Variants in FAN1 observed in about 807,000 individuals in gnomAD.
FAN1 encodes FANCD2 and FANCI associated nuclease 1, also known as fanconi-associated nuclease 1.
A neutral mutation model predicts 104.9 loss-of-function variants in FAN1; 91 were observed. The ratio of observed to expected loss-of-function variants is 0.87; its 90% CI spans 0.73 to 1.03. FAN1 has a LOEUF of 1.03. Ranked by LOEUF, FAN1 falls within the 50% of genes least tolerant of loss-of-function variation. The probability of loss-of-function intolerance (pLI) is 0.00; values close to 1 mark genes in which losing one functional copy is unlikely to be tolerated. For missense variants in FAN1, 1,263 were observed against 1,239.9 expected (o/e 1.02, Z -0.28); for synonymous variants, 478 against 457.6 (o/e 1.04, Z -0.57).
rs749900780 is a variant in FAN1 at position 30,922,272 on chromosome 15, G to C, written c.2090G>C (p.Arg697Thr). Residue 697 changes from arginine to threonine, a missense_variant, in exon 8 of 15, where the codon AGA becomes ACA. Transcript: ENST00000362065. ...VRELESLLSQ[R>T]IYCPDSRGRW... ...GAACTTGAAAGCCTTTTGTCTCAGA[G>C]AATTTATTGTCCTGACAGCAGAGGC... 1 of 1,613,554 alleles carries C rather than the reference G, an allele frequency of 6.2e-7. No homozygotes were observed. Among genetic ancestry groups the C allele is most frequent in the Non-Finnish European group, 8.5e-7 (1 of 1,179,920 alleles).
chr15:30,911,588 A>G (rs1041621056), intron 4 of FAN1: 8 of 958,772 alleles, frequency 8.3e-6, no homozygotes, highest in African/African-American at 7.1e-5. Flanking sequence ...CTCGTGTTAT[A>G]GATTTTTAAA....
chr15:30,915,167 C>T (rs548284238), intron 5 of FAN1, among the ~76,000 whole-genome samples: 1 of 152,202 alleles, frequency 6.6e-6, no homozygotes, highest in African/African-American at 2.4e-5. Flanking sequence ...TGGCTGAGCT[C>T]AGAGGACATT....
chr15:30,942,210 G>A lies in FAN1; in HGVS notation c.*648G>A, dbSNP rs2063077995. The A allele has an allele frequency of 4.2e-5, 45 of 1,072,462 alleles. No homozygotes were observed. Among genetic ancestry groups the A allele is most frequent in the Non-Finnish European group, 6.0e-5 (45 of 746,688 alleles). 66.4% of individuals were successfully genotyped at this position (1,072,462 alleles called of 1,614,324 possible). A position where few individuals can be genotyped will look rare whatever the true frequency, so the allele number is the denominator to read the frequency against. On this transcript the variant is annotated 3_prime_UTR_variant, in exon 15 of 15. Transcript: ENST00000362065. ...AAAGAACATTTTCCTCCCTTCCTTT[G>A]TGTCCTTATTCTAATCCTCCTCCCC...
Position 30,941,732 on chromosome 15 carries a change from A to G in FAN1, c.*170A>G, listed in dbSNP as rs149870187. ...CTGTTGCCGCAGCATCCTGCTCAGTACGTCGACTTCATCAGCCAGGAGGGA... is the reference window on the plus strand; with the variant it reads ...CTGTTGCCGCAGCATCCTGCTCAGTGCGTCGACTTCATCAGCCAGGAGGGA... On this transcript the variant is annotated 3_prime_UTR_variant, in exon 15 of 15. Coordinates refer to ENST00000362065, the MANE Select transcript of FAN1 (RefSeq NM_014967.5). 1.4e-4 allele frequency: 221 copies of G among 1,613,970 alleles called. 2 individuals carry two copies. The East Asian group carries it at 4.6e-3, about 34-fold the overall frequency.
intron 2 of FAN1, 89 bp downstream of exon 2, chr15:30,905,986 C>G: frequency 8.1e-7 from 1 of 1,235,604 alleles, no homozygotes; most frequent in Non-Finnish European, 1.1e-6. Context: ...AATCTAGTGA[C>G]CGCAAGGAGT....
chr15:30,927,881 C>T, intron 10 of FAN1: 1 of 985,734 alleles, frequency 1.0e-6, no homozygotes, highest in Non-Finnish European at 1.2e-6. Flanking sequence ...ACTCTGTGAC[C>T]TCAGCACCTG....
Position 30,930,583 on chromosome 15 carries a change from TG to T in FAN1, c.2829del (p.Cys944AlafsTer45). On this transcript the variant is annotated frameshift_variant, in exon 13 of 15. Coordinates refer to ENST00000362065, the MANE Select transcript of FAN1 (RefSeq NM_014967.5). LOFTEE classifies it high-confidence loss of function. ...CTGGGGGGCCCTGTGCTCAGTGGTG[TG>T]TGCAGGCACCTGGCTGCTGACTTTC... is the stretch of plus-strand genomic sequence containing the variant. ...SCLGGPVLSG[V>X]CRHLAADFRH... 6.2e-7 allele frequency: 1 copy of T among 1,612,166 alleles called. No homozygotes were observed. Among genetic ancestry groups the T allele is most frequent in the Middle Eastern group, 1.7e-4 (1 of 6,050 alleles).
intron 8 of FAN1, among the ~76,000 whole-genome samples, chr15:30,923,811 T>A (rs2062393767): frequency 6.6e-6 from 1 of 152,216 alleles, no homozygotes; most frequent in African/African-American, 2.4e-5. Flanking sequence ...GGTTTTTATT[T>A]TTTCTTTCAC....
chr15:30,940,787 T>TTTC (rs1394560624), intron 14 of FAN1: 2 of 986,672 alleles, frequency 2.0e-6, no homozygotes, highest in Admixed American at 6.1e-5. Context: ...GAAATTATAT[T>TTTC]TTCTTCTGTA....
In FAN1 at chr15:30,929,203, G is replaced by C. The variant is rs761393327; in HGVS notation, c.2593G>C (p.Ala865Pro). ...IPDVFRNACQ[A>P]FPLDLCTDSF... is the part of the protein sequence containing the mutation. ...ACAGCTTGCTTTCCCTGTGACACAG[G>C]CATTCCCCCTGGACTTGTGCACAGA... Residue 865 changes from alanine (A) to proline (P), a missense_variant and splice_region_variant, in exon 12 of 15, where the codon GCA becomes CCA. Ala to Pro is a conservative substitution (Grantham distance 27). This residue lies in a region of FAN1 where 581 missense variants were observed against 668.8 expected (regional missense o/e 0.87). Coordinates refer to ENST00000362065, the MANE Select transcript of FAN1 (RefSeq NM_014967.5). 1 of 1,610,486 alleles carries C rather than the reference G, an allele frequency of 6.2e-7. No individual in the cohort carries two copies. Among genetic ancestry groups the C allele is most frequent in the African/African-American group, 1.3e-5 (1 of 74,632 alleles).
chr15:30,941,268 A>G lies in FAN1; in HGVS notation c.*4-298A>G, dbSNP rs1318603720. 2.0e-6 allele frequency: 3 copies of G among 1,479,742 alleles called. 1 individual carries two copies. The South Asian group carries it at 3.6e-5, about 18-fold the overall frequency. 91.7% of individuals were successfully genotyped at this position (1,479,742 alleles called of 1,614,324 possible). On this transcript the variant is annotated intron_variant, in intron 14 of 14. Coordinates refer to ENST00000362065, the MANE Select transcript of FAN1 (RefSeq NM_014967.5). ...AAGAGCCAGACCTGTAATGACAGAA[A>G]GAGGACAGGAACAAAATTTACATCT... is the stretch of plus-strand genomic sequence containing the variant.
chr15:30,919,538 A>G (rs537686789), intron 6 of FAN1, among the ~76,000 whole-genome samples: 1 of 151,654 alleles, frequency 6.6e-6, no homozygotes, highest in Non-Finnish European at 1.5e-5. Context: ...TAAAAATACA[A>G]AAATTAGGTG....
chr15:30,930,625 G>A lies in FAN1; in HGVS notation c.2870G>A (p.Gly957Asp). The A allele has an allele frequency of 1.2e-6, 2 of 1,612,786 alleles. No homozygotes were observed. The highest frequency in any genetic ancestry group is 2.2e-5 in the South Asian group (2 of 90,776). ...GCTGACTTTCGACACTGTCGAGGGG[G>A]CCTCCCCGACCTGGTGGTGTGGAAC... Reference protein sequence around the residue: ...LAADFRHCRGGLPDLVVWNSQ... With the variant: ...LAADFRHCRGDLPDLVVWNSQ... The change falls in exon 13 of 15, where the codon GGC becomes GAC. Residue 957 changes from glycine (G) to aspartate (D), a missense_variant. Around this residue, in one of 2 missense-constraint regions of FAN1, gnomAD observed 581 missense variants for 668.8 expected, o/e 0.87. Transcript: ENST00000362065.
At chr15:30,912,546 G>T (rs2062120462) in intron 4 of FAN1, among the ~76,000 whole-genome samples, 1 of 152,192 alleles carries the variant, frequency 6.6e-6, no homozygotes, top group Non-Finnish European at 1.5e-5. Flanking sequence ...CAGTTCAGTG[G>T]TGGTGTGATA....
intron 14 of FAN1, chr15:30,939,655 T>TTACAA: frequency 1.1e-6 from 1 of 920,862 alleles, no homozygotes; most frequent in Non-Finnish European, 1.3e-6. Flanking sequence ...ACTACAAGAG[T>TTACAA]TAAAATAAAC....
At chr15:30,908,293 A>C in intron 3 of FAN1, 35 bp downstream of exon 3, 2 of 1,542,236 alleles carry the variant, frequency 1.3e-6, no homozygotes, top group Non-Finnish European at 1.7e-6. Flanking sequence ...AAATGAAAAT[A>C]TGATCTGAAG....
chr15:30,940,441 G>C (rs1566940608), intron 14 of FAN1: 9 of 985,226 alleles, frequency 9.1e-6, no homozygotes, highest in Non-Finnish European at 9.6e-6. Context: ...TAAGCATTAG[G>C]AACTATGAGA....
chr15:30,907,534 AAAAC>A lies in FAN1; in HGVS notation c.1235-580_1235-577del, dbSNP rs904273193. Among the ~76,000 whole-genome samples the A allele has an allele frequency of 2.0e-5, 3 of 152,106 alleles. No homozygotes were observed. The South Asian group carries it at 6.2e-4, about 32-fold the overall frequency. Reference sequence around the variant, plus strand: ...ACTCCATCTCAAAAAAAACAAAACAAAAACAAAACAAAAAAACAACCAAAAAAAA... The same window carrying A: ...ACTCCATCTCAAAAAAAACAAAACAAAAAACAAAAAAACAACCAAAAAAAA... On this transcript the variant is annotated intron_variant, in intron 2 of 14. Transcript: ENST00000362065.
Position 30,918,246 on chromosome 15 carries a change from C to T in FAN1, c.1894C>T (p.Gln632Ter). The T allele has an allele frequency of 6.2e-7, 1 of 1,614,026 alleles. No individual in the cohort carries two copies. Among genetic ancestry groups the T allele is most frequent in the Non-Finnish European group, 8.5e-7 (1 of 1,179,994 alleles). ...GNWEEAKELAQCAKRDWNRLK... is the reference protein window; with the variant it reads ...GNWEEAKELA ...CTGGGAAGAAGCTAAGGAGCTCGCT[C>T]AGTGTGCAAAAAGGGATTGGAACAG... Residue 632 changes from glutamine to a stop codon, truncating the protein, a stop_gained, in exon 6 of 15, where the codon CAG becomes TAG. Transcript: ENST00000362065. LOFTEE classifies it high-confidence loss of function.
Sources: gnomAD v4.1 joint callset for allele counts (sites outside exome capture counted in the v4.1 genomes callset) on GRCh38, gnomAD v4.1.1 for gene constraint, gnomAD v4.1.1 regional missense constraint, MANE v1.5 for transcripts, NCBI Gene and HGNC (gene_info 2026-07-23, HGNC 2026-07-21) for gene names.